The following DMD variants were observed in gnomAD, a reference collection of about 807,000 sequenced individuals.
The protein encoded by DMD is mutant dystrophin.
In DMD, 63 loss-of-function variants were observed where a neutral mutation model predicts 330.1. The observed-to-expected ratio is 0.19, with a 90% CI of 0.16 to 0.24. The LOEUF (loss-of-function observed/expected upper bound fraction) is 0.24, where lower values mean the gene tolerates loss of function less well. Among genes scored for constraint, DMD ranks in the 10% least tolerant of loss-of-function variants. DMD has a pLI of 1.00. For missense variants in DMD, 3,344 were observed against 2,684.1 expected (o/e 1.25, Z -5.43); for synonymous variants, 1,223 against 959.8 (o/e 1.27, Z -5.07).
At chrX:31,130,293 T>A (rs1383080761) in intron 77 of DMD, among the ~76,000 whole-genome samples, 1 of 112,227 alleles carries the variant, frequency 8.9e-6, no homozygotes, top group East Asian at 2.8e-4. Context: ...ATTGTACCCA[T>A]GTAGTTTTCC....
chrX:31,180,012 T>C (rs770861560), intron 69 of DMD, among the ~76,000 whole-genome samples: 1 of 111,887 alleles, frequency 8.9e-6, no homozygotes, highest in East Asian at 2.8e-4. Flanking sequence ...TGGGGGAACC[T>C]AGAACCATCC....
rs577945627 is a variant in DMD, at chrX:33,226,896, A to T, written c.7+112363T>A. On this transcript the variant is annotated intron_variant, in intron 1 of 17. Transcript: ENST00000288447. ...ATTCGTGCATACAAATAAATATAAG[A>T]TAAAACTACATTGTGAAGCCTGATG... is the stretch of plus-strand genomic sequence containing the variant. 1.7e-4 allele frequency among the ~76,000 whole-genome samples: 19 copies of T among 110,137 alleles called. 1 individual carries two copies. In the East Asian group the frequency reaches 4.3e-3, roughly 25 times the overall value.
At chrX:33,155,068 C>T (rs2048441502) in intron 1 of DMD, among the ~76,000 whole-genome samples, 1 of 112,007 alleles carries the variant, frequency 8.9e-6, no homozygotes, top group South Asian at 3.7e-4. Context: ...TATAATCTTA[C>T]ATTCTCCCCA....
intron 63 of DMD, among the ~76,000 whole-genome samples, chrX:31,247,843 T>A (rs2048982367): frequency 1.8e-5 from 2 of 111,565 alleles, no homozygotes; most frequent in Non-Finnish European, 3.8e-5. Context: ...ATTGCTGCAA[T>A]TTCATGATCA....
intron 9 of DMD, among the ~76,000 whole-genome samples, chrX:32,675,877 CAGTT>C (rs2061934773): frequency 8.9e-6 from 1 of 111,744 alleles, no homozygotes; most frequent in Non-Finnish European, 1.9e-5. Context: ...TGTCCAATAT[CAGTT>C]AGTAATTTTT....
At chrX:32,682,036 G>A (rs1390694239) in intron 9 of DMD, among the ~76,000 whole-genome samples, 1 of 111,538 alleles carries the variant, frequency 9.0e-6, no homozygotes, top group Non-Finnish European at 1.9e-5. Flanking sequence ...TGAGAAATGG[G>A]GTTAAGGGTA....
At chrX:32,222,359 C>T (rs1458698925) in intron 43 of DMD, among the ~76,000 whole-genome samples, 2 of 111,598 alleles carry the variant, frequency 1.8e-5, no homozygotes, top group Admixed American at 9.6e-5. Flanking sequence ...TAACATCACA[C>T]CTGAAGGAAC....
intron 68 of DMD, among the ~76,000 whole-genome samples, chrX:31,182,147 C>G (rs183993265): frequency 1.8e-5 from 2 of 112,028 alleles, no homozygotes; most frequent in Non-Finnish European, 3.8e-5. Context: ...CTTCCATTTA[C>G]TTGCCTACTT....
chrX:32,418,972 CAAAAAA>C (rs1160282195), intron 29 of DMD, among the ~76,000 whole-genome samples: 31 of 13,509 alleles, frequency 2.3e-3, no homozygotes, highest in African/African-American at 3.1e-3. Context: ...GACTCTGTCT[CAAAAAA>C]AAAAAAAAAA....
intron 2 of DMD, among the ~76,000 whole-genome samples, chrX:32,916,347 G>C (rs1018340688): frequency 8.1e-5 from 9 of 111,314 alleles, no homozygotes; most frequent in African/African-American, 2.6e-4. Context: ...ATTGAGTCAG[G>C]TGTGATACTG....
At chrX:32,651,133 T>C (rs112213679) in intron 9 of DMD, among the ~76,000 whole-genome samples, 1 of 105,255 alleles carries the variant, frequency 9.5e-6, no homozygotes, top group African/African-American at 3.7e-5. Flanking sequence ...AAAAATATAA[T>C]ATAACTTTTT....
intron 67 of DMD, among the ~76,000 whole-genome samples, chrX:31,202,998 G>A (rs1226177256): frequency 8.9e-6 from 1 of 111,902 alleles, no homozygotes; most frequent in Non-Finnish European, 1.9e-5. Context: ...ATAAAAATTA[G>A]AGGCCAGGCA....
rs764896290 is a variant in DMD, at chrX:31,503,979, A to AT, written c.8390+3301dup. ...TAAATATAACTTCATTAGAGCAGTG[A>AT]TTTTTTTTGGTATGTTTTATTCATG... On this transcript the variant is annotated intron_variant, in intron 56 of 78. Transcript: ENST00000357033. 5.4e-5 allele frequency among the ~76,000 whole-genome samples: 6 copies of AT among 110,780 alleles called. No homozygotes were observed. The East Asian group carries it at 8.5e-4, about 16-fold the overall frequency.
chrX:31,791,258 A>C (rs1429725299), intron 50 of DMD, among the ~76,000 whole-genome samples: 1 of 112,287 alleles, frequency 8.9e-6, no homozygotes, highest in Non-Finnish European at 1.9e-5. Context: ...CATAGATATA[A>C]AATATCCAAA....
At chrX:32,085,595 T>C (rs752777030) in intron 44 of DMD, among the ~76,000 whole-genome samples, 3 of 103,206 alleles carry the variant, frequency 2.9e-5, no homozygotes, top group Admixed American at 1.1e-4. Flanking sequence ...CACACATATA[T>C]GTATATATGT....
intron 67 of DMD, among the ~76,000 whole-genome samples, chrX:31,199,769 A>C (rs1241995739): frequency 8.9e-6 from 1 of 112,240 alleles, no homozygotes; most frequent in Non-Finnish European, 1.9e-5. Context: ...CAAGGAATGC[A>C]CTTGTAGGAT....
chrX:31,445,474 T>C (rs2065207119), intron 59 of DMD, among the ~76,000 whole-genome samples: 1 of 112,149 alleles, frequency 8.9e-6, no homozygotes, highest in Non-Finnish European at 1.9e-5. Context: ...AAAAATATAT[T>C]GCTGCTGGAT....
chrX:32,664,384 G>A (rs1401745118), intron 9 of DMD, among the ~76,000 whole-genome samples: 2 of 109,357 alleles, frequency 1.8e-5, no homozygotes, highest in Non-Finnish European at 3.8e-5. Flanking sequence ...TGGGACTACA[G>A]GCACCTGCCA....
At chrX:32,485,760 T>TTTTTTTTTTG (rs1491562755) in intron 20 of DMD, among the ~76,000 whole-genome samples, 3 of 83,598 alleles carry the variant, frequency 3.6e-5, no homozygotes, top group Non-Finnish European at 6.4e-5. Flanking sequence ...TTTTTTTTTT[T>TTTTTTTTTTG]GGGACAGAGT....
Sources: allele counts gnomAD v4.1 joint callset (sites outside exome capture counted in the v4.1 genomes callset), GRCh38; gene constraint gnomAD v4.1.1; transcripts MANE v1.5; gene names NCBI Gene and HGNC (gene_info 2026-07-23, HGNC 2026-07-21).